ROBO2: variants seen among roughly 807,000 people sequenced by gnomAD.
ROBO2 encodes roundabout homolog 2.
ROBO2 carries 53 observed loss-of-function variants against 160.8 expected under a neutral mutation model. The observed-to-expected ratio is 0.33, with a 90% CI of 0.26 to 0.41. The LOEUF is 0.41. ROBO2 is among the 10% of genes least tolerant of loss of function. The pLI, the probability that ROBO2 is intolerant of heterozygous loss-of-function variation, is 1.00. For synonymous variants in ROBO2, 664 were observed against 611.7 expected, an observed-to-expected ratio of 1.09 and a Z score of -1.26; for missense variants, 1,577 against 1,722.4, an observed-to-expected ratio of 0.92 and a Z score of 1.49.
chr3:77,130,940 A>G (rs976689891), intron 2 of ROBO2, among the ~76,000 whole-genome samples: 4 of 152,134 alleles, frequency 2.6e-5, no homozygotes, highest in Non-Finnish European at 5.9e-5. Flanking sequence ...TCTTTCGTTA[A>G]CTAGTTATGG....
At chr3:76,221,998 G>T (rs1703998146) in intron 2 of ROBO2, among the ~76,000 whole-genome samples, 1 of 152,132 alleles carries the variant, frequency 6.6e-6, no homozygotes, top group Non-Finnish European at 1.5e-5. Context: ...TCACCCTGGG[G>T]AATAATGCCA....
chr3:77,441,030 C>T (rs752544182), intron 2 of ROBO2, among the ~76,000 whole-genome samples: 3 of 151,998 alleles, frequency 2.0e-5, no homozygotes, highest in Non-Finnish European at 2.9e-5. Context: ...AGATTTCCTG[C>T]TGATTGTGGA....
At position 76,076,239 on chromosome 3, in the gene ROBO2, A is replaced by G. The variant is rs1038244466; in HGVS notation, c.109+138637A>G. Among the ~76,000 whole-genome samples, 5 of 152,230 alleles carry G rather than the reference A, an allele frequency of 3.3e-5. No individual in the cohort carries two copies. The East Asian group carries it at 7.7e-4, about 23-fold the overall frequency. ...TGGTTCACTTAGGTTATGTAAATCT[A>G]TAACCATGTATCAGAGTTTTTTTGG... On this transcript the variant is annotated intron_variant, in intron 2 of 26. Coordinates refer to the ROBO2 transcript ENST00000487694.
rs1559629212 is a variant in ROBO2 at position 76,194,362 on chromosome 3, ATATATATATATATATATATAT to A, written c.109+256761_109+256781del. Among the ~76,000 whole-genome samples the A allele has an allele frequency of 1.7e-5, 2 of 117,874 alleles. 1 individual carries two copies. Among genetic ancestry groups the A allele is most frequent in the African/African-American group, 7.1e-5 (2 of 28,102 alleles). 77.3% of individuals were successfully genotyped at this position (117,874 alleles called of 152,430 possible). A position where few individuals can be genotyped will look rare whatever the true frequency, so the allele number is the denominator to read the frequency against. ...ATATGTATGGTGTGTAAATATATAT[ATATATATATATATATATATAT>A]ATAGTGTGAGGACAAAGCTGGACTT... On this transcript the variant is annotated intron_variant, in intron 2 of 26. Transcript: ENST00000487694.
chr3:77,635,083 G>C lies in ROBO2; in HGVS notation c.3934+40G>C, dbSNP rs372640670. 15 of 1,599,886 alleles carry C rather than the reference G, an allele frequency of 9.4e-6. No homozygotes were observed. The African/African-American group carries it at 2.0e-4, about 21-fold the overall frequency. On this transcript the variant is annotated intron_variant, in intron 24 of 25. Transcript: ENST00000461745. ...TTTACTCTTGTTTCCTCGCTGAAGA[G>C]ACGTGCTCCATGCAATCATTTACTT...
At chr3:76,947,538 A>G (rs2078639960) in intron 2 of ROBO2, among the ~76,000 whole-genome samples, 1 of 152,208 alleles carries the variant, frequency 6.6e-6, no homozygotes, top group Non-Finnish European at 1.5e-5. Flanking sequence ...AATGCCTGCA[A>G]TCGATGACAT....
chr3:76,424,602 A>G (rs1212923673), intron 2 of ROBO2, among the ~76,000 whole-genome samples: 1 of 152,202 alleles, frequency 6.6e-6, no homozygotes, highest in Non-Finnish European at 1.5e-5. Context: ...CCTATTAGCA[A>G]CACTGTGTTA....
intron 2 of ROBO2, among the ~76,000 whole-genome samples, chr3:76,814,592 G>A (rs948967437): frequency 1.9e-4 from 26 of 138,852 alleles, no homozygotes; most frequent in Admixed American, 5.6e-4. Context: ...TAAAAGGATC[G>A]GTTTTTTTTG....
At chr3:76,466,445 A>G (rs1022553614) in intron 2 of ROBO2, among the ~76,000 whole-genome samples, 2 of 151,918 alleles carry the variant, frequency 1.3e-5, no homozygotes, top group Non-Finnish European at 2.9e-5. Flanking sequence ...CAAGCATACT[A>G]TTCTTTTTTT....
chr3:76,743,176 G>A (rs925158314), intron 2 of ROBO2, among the ~76,000 whole-genome samples: 1 of 152,092 alleles, frequency 6.6e-6, no homozygotes, highest in South Asian at 2.1e-4. Context: ...CTTAAGTCAA[G>A]TGTCAGTCTC....
chr3:76,180,018 C>T (rs1396468275), intron 2 of ROBO2, among the ~76,000 whole-genome samples: 1 of 152,104 alleles, frequency 6.6e-6, no homozygotes, highest in African/African-American at 2.4e-5. Context: ...GCTTCTGCTG[C>T]TCCGGCAGGG....
At chr3:76,704,283 G>A (rs147662901) in intron 2 of ROBO2, among the ~76,000 whole-genome samples, 1 of 152,242 alleles carries the variant, frequency 6.6e-6, no homozygotes, top group African/African-American at 2.4e-5. Context: ...CATTCACACA[G>A]CAATTGCTTT....
At chr3:77,272,182 C>T (rs1262115515) in intron 2 of ROBO2, among the ~76,000 whole-genome samples, 1 of 152,194 alleles carries the variant, frequency 6.6e-6, no homozygotes, top group African/African-American at 2.4e-5. Flanking sequence ...TTAAGATACT[C>T]TTTGAAAAGG....
chr3:76,201,502 C>G (rs374435307), intron 2 of ROBO2, among the ~76,000 whole-genome samples: 3 of 152,228 alleles, frequency 2.0e-5, no homozygotes, highest in East Asian at 3.9e-4. Flanking sequence ...AAGTATGTCA[C>G]TAATGTGCCA....
At position 76,957,289 on chromosome 3, in the gene ROBO2, AT is replaced by A. The variant is rs577179503; in HGVS notation, c.110-140723del. Among the ~76,000 whole-genome samples, 225 of 152,176 alleles carry A rather than the reference AT, an allele frequency of 1.5e-3. 1 individual carries two copies. The highest frequency in any genetic ancestry group is 2.1e-3 in the Non-Finnish European group (143 of 67,964). On this transcript the variant is annotated intron_variant, in intron 2 of 26. Coordinates refer to the ROBO2 transcript ENST00000487694. ...AAAAGTCAATTTAATTCTGTTACAT[AT>A]TCTTTTTCTGTGACTGTCATTCCCT... is the stretch of plus-strand genomic sequence containing the variant.
chr3:76,710,128 T>C (rs1048165399), intron 2 of ROBO2, among the ~76,000 whole-genome samples: 3 of 145,924 alleles, frequency 2.1e-5, no homozygotes, highest in Non-Finnish European at 4.5e-5. Context: ...TTTCTTTTCT[T>C]TTTTTTTTTG....
intron 2 of ROBO2, among the ~76,000 whole-genome samples, chr3:76,382,140 G>T (rs1315067212): frequency 5.3e-5 from 8 of 151,980 alleles, no homozygotes; most frequent in Admixed American, 5.2e-4. Context: ...TAATATTTTC[G>T]TATTTTTGGT....
chr3:77,613,653 T>A (rs2094701215), intron 21 of ROBO2, among the ~76,000 whole-genome samples: 1 of 152,110 alleles, frequency 6.6e-6, no homozygotes, highest in Non-Finnish European at 1.5e-5. Flanking sequence ...GATATGTGTG[T>A]TTTCAAATCA....
intron 21 of ROBO2, among the ~76,000 whole-genome samples, chr3:77,610,741 C>CAAAA (rs71629658): frequency 2.5e-3 from 49 of 19,826 alleles, no homozygotes; most frequent in East Asian, 4.3e-3. Flanking sequence ...GGCCAAAGAC[C>CAAAA]AAAAAAAAAA....
Sources: gnomAD v4.1 joint callset for allele counts (sites outside exome capture counted in the v4.1 genomes callset) on GRCh38, gnomAD v4.1.1 for gene constraint, MANE v1.5 for transcripts, NCBI Gene and HGNC (gene_info 2026-07-23, HGNC 2026-07-21) for gene names.